The following INTS15 variants were observed in gnomAD, a reference collection of about 807,000 sequenced individuals.
The protein encoded by INTS15 is integrator complex subunit 15, also known as uncharacterized protein C7orf26.
At chr7:6,599,854 G>A in the INTS15 span, 1 of 1,614,036 alleles carries the variant, frequency 6.2e-7, no homozygotes, top group South Asian at 1.1e-5. Context: ...CTATGGACTT[G>A]CTTGAAATGA....
the INTS15 span, among the ~76,000 whole-genome samples, chr7:6,596,202 C>T: frequency 5.3e-5 from 8 of 151,698 alleles, no homozygotes; most frequent in African/African-American, 1.7e-4. Flanking sequence ...ACTACAGGCG[C>T]GCACCACCAT....
the INTS15 span, among the ~76,000 whole-genome samples, chr7:6,592,802 G>A: frequency 3.3e-5 from 5 of 151,670 alleles, no homozygotes; most frequent in African/African-American, 9.7e-5. Flanking sequence ...TAGAGACAGG[G>A]TTTCACCATG....
At chr7:6,607,714 G>C in the INTS15 span, 1 of 1,520,096 alleles carries the variant, frequency 6.6e-7, no homozygotes, top group East Asian at 2.5e-5. The surrounding 1 kb of genome is among the most constrained non-coding windows in gnomAD (Gnocchi z 6.0). Flanking sequence ...CTGCGCGCCC[G>C]GGAGTGCTAC....
the INTS15 span, chr7:6,591,502 G>C: frequency 4.7e-6 from 3 of 642,320 alleles, no homozygotes; most frequent in Non-Finnish European, 8.3e-6. Flanking sequence ...TTGACCTCGT[G>C]ATTCGCCCAC....
At chr7:6,597,590 C>T in the INTS15 span, among the ~76,000 whole-genome samples, 17 of 152,314 alleles carry the variant, frequency 1.1e-4, no homozygotes, top group South Asian at 2.1e-4. Flanking sequence ...CCACCACACC[C>T]GACCTACCTT....
At chr7:6,593,828 T>G in the INTS15 span, among the ~76,000 whole-genome samples, 1 of 151,490 alleles carries the variant, frequency 6.6e-6, no homozygotes, top group Non-Finnish European at 1.5e-5. Context: ...TTTTTCTATT[T>G]TTTATAGAGA....
At chr7:6,594,935 C>A in the INTS15 span, among the ~76,000 whole-genome samples, 1 of 152,102 alleles carries the variant, frequency 6.6e-6, no homozygotes, top group Non-Finnish European at 1.5e-5. Context: ...AATGTGTTGG[C>A]CAGGCCGATC....
chr7:6,606,430 A>T, the INTS15 span, among the ~76,000 whole-genome samples: 4 of 152,092 alleles, frequency 2.6e-5, no homozygotes, highest in Non-Finnish European at 5.9e-5. Flanking sequence ...TTGTTGTGGG[A>T]CCCAGTTAGG....
the INTS15 span, among the ~76,000 whole-genome samples, chr7:6,593,377 C>T: frequency 2.1e-5 from 3 of 143,294 alleles, no homozygotes; most frequent in African/African-American, 8.0e-5. Context: ...GTCGCCCAAG[C>T]TGGAGTGCAG....
chr7:6,607,616 C>G, the INTS15 span: 4 of 1,422,854 alleles, frequency 2.8e-6, no homozygotes, highest in Non-Finnish European at 3.8e-6. The surrounding 1 kb of genome is among the most constrained non-coding windows in gnomAD (Gnocchi z 6.0). Context: ...CGGTCATTCT[C>G]GGCTCTGAGG....
At chr7:6,599,629 CAG>C in the INTS15 span, among the ~76,000 whole-genome samples, 1 of 152,302 alleles carries the variant, frequency 6.6e-6, no homozygotes, top group Admixed American at 6.5e-5. Context: ...TGGGATGTGA[CAG>C]TGACTGAGAT....
chr7:6,592,718 C>T, the INTS15 span, among the ~76,000 whole-genome samples: 1 of 151,434 alleles, frequency 6.6e-6, no homozygotes, highest in African/African-American at 2.4e-5. Context: ...AAGTGATCCT[C>T]CTACCTCAGC....
the INTS15 span, among the ~76,000 whole-genome samples, chr7:6,595,659 T>C: frequency 1.3e-5 from 2 of 152,204 alleles, no homozygotes; most frequent in African/African-American, 2.4e-5. Flanking sequence ...TGATTTCTTA[T>C]CATCCCCATA....
the INTS15 span, among the ~76,000 whole-genome samples, chr7:6,594,197 G>A: frequency 2.0e-5 from 3 of 150,768 alleles, no homozygotes; most frequent in East Asian, 1.9e-4. Flanking sequence ...TAGTAGAGAC[G>A]AGTTTCACCA....
chr7:6,593,211 TCTTTC>T, the INTS15 span, among the ~76,000 whole-genome samples: 1 of 152,150 alleles, frequency 6.6e-6, no homozygotes, highest in African/African-American at 2.4e-5. Flanking sequence ...GCTACTCACC[TCTTTC>T]CTTCTAGTGC....
chr7:6,603,901 G>A, the INTS15 span, among the ~76,000 whole-genome samples: 15 of 152,010 alleles, frequency 9.9e-5, no homozygotes, highest in South Asian at 4.2e-4. Flanking sequence ...TCATTCGGGC[G>A]GCTGACACAA....
the INTS15 span, among the ~76,000 whole-genome samples, chr7:6,597,236 C>A: frequency 1.3e-5 from 2 of 151,822 alleles, no homozygotes; most frequent in Non-Finnish European, 2.9e-5. Context: ...GTATTCAGGT[C>A]TTTCATCTTC....
the INTS15 span, among the ~76,000 whole-genome samples, chr7:6,595,503 G>A: frequency 6.6e-6 from 1 of 152,060 alleles, no homozygotes; most frequent in African/African-American, 2.4e-5. Context: ...AGCTAAAGGT[G>A]TGGACCACCT....
chr7:6,590,325 G>C, the INTS15 span: 1 of 1,593,436 alleles, frequency 6.3e-7, no homozygotes, highest in African/African-American at 1.4e-5. Flanking sequence ...GCGATGCGCT[G>C]AGCGCCGCCA....
Sources: gnomAD v4.1 joint callset for allele counts (sites outside exome capture counted in the v4.1 genomes callset) on GRCh38, gnomAD v4.1.1 for gene constraint, Gnocchi (gnomAD v3.1) non-coding constraint, MANE v1.5 for transcripts, NCBI Gene and HGNC (gene_info 2026-07-23, HGNC 2026-07-21) for gene names.